CNTN6: variants seen among roughly 807,000 people sequenced by gnomAD.
CNTN6 encodes the protein contactin-6.
A neutral mutation model predicts 122.8 loss-of-function variants in CNTN6; 137 were observed. That is an observed-to-expected ratio of 1.12 (90% CI 0.97 to 1.29). The LOEUF (loss-of-function observed/expected upper bound fraction) is 1.29, where lower values mean the gene tolerates loss of function less well. Among genes scored for constraint, CNTN6 ranks in the 50% most tolerant of loss-of-function variants. The pLI, the probability that CNTN6 is intolerant of heterozygous loss-of-function variation, is 0.00. For missense variants in CNTN6, 1,634 were observed against 1,223.4 expected (o/e 1.34, Z -5.01); for synonymous variants, 570 against 426.0 (o/e 1.34, Z -4.16).
At chr3:1,280,459 A>ATTTTTTTTTTTTT (rs71619483) in intron 5 of CNTN6, among the ~76,000 whole-genome samples, 6,600 of 66,244 alleles carry the variant, frequency 0.1, 1,825 homozygotes, top group Non-Finnish European at 0.15. Context: ...TGTAATACCA[A>ATTTTTTTTTTTTT]TTTTTTTTTT....
At chr3:1,245,535 GA>G (rs561395531) in intron 4 of CNTN6, among the ~76,000 whole-genome samples, 7 of 149,514 alleles carry the variant, frequency 4.7e-5, no homozygotes, top group Non-Finnish European at 1.0e-4. Context: ...GGGATTGGGG[GA>G]AAGGGTGGGG....
intron 5 of CNTN6, among the ~76,000 whole-genome samples, chr3:1,283,633 C>CT (rs1271222214): frequency 3.3e-5 from 5 of 152,068 alleles, no homozygotes; most frequent in Non-Finnish European, 5.9e-5. Context: ...AATAATTAAA[C>CT]CCCCCCTTCA....
intron 2 of CNTN6, among the ~76,000 whole-genome samples, chr3:1,164,528 C>A (rs968140606): frequency 1.3e-5 from 2 of 152,188 alleles, no homozygotes; most frequent in Admixed American, 6.5e-5. Flanking sequence ...TCATACATGA[C>A]AGGGGAATGA....
chr3:1,384,066 A>AAATT (rs1308100204), intron 19 of CNTN6, among the ~76,000 whole-genome samples: 3 of 152,128 alleles, frequency 2.0e-5, no homozygotes, highest in African/African-American at 7.2e-5. Context: ...CAAAGCAAAC[A>AAATT]AATTAACACA....
chr3:1,133,127 A>G (rs953302466), intron 1 of CNTN6, among the ~76,000 whole-genome samples: 1 of 152,172 alleles, frequency 6.6e-6, no homozygotes, highest in East Asian at 1.9e-4. Context: ...TATTTTGTTT[A>G]TTCATTAAAG....
chr3:1,118,278 A>G (rs777733921), intron 1 of CNTN6, among the ~76,000 whole-genome samples: 7 of 152,198 alleles, frequency 4.6e-5, no homozygotes, highest in Non-Finnish European at 1.0e-4. Flanking sequence ...ACGTGTGGTG[A>G]GGAGCGGGGC....
chr3:1,382,644 A>C (rs893505831), intron 17 of CNTN6, among the ~76,000 whole-genome samples: 1 of 152,206 alleles, frequency 6.6e-6, no homozygotes, highest in Non-Finnish European at 1.5e-5. Flanking sequence ...TGTGTATCAT[A>C]AAATCTTTTA....
chr3:1,315,575 C>G (rs1197188175), intron 7 of CNTN6, among the ~76,000 whole-genome samples: 1 of 151,938 alleles, frequency 6.6e-6, no homozygotes, highest in Non-Finnish European at 1.5e-5. Context: ...GTCACAATGC[C>G]TGGTACATAG....
intron 2 of CNTN6, among the ~76,000 whole-genome samples, chr3:1,173,941 C>G (rs1304492553): frequency 2.0e-5 from 3 of 152,032 alleles, no homozygotes; most frequent in Non-Finnish European, 4.4e-5. Flanking sequence ...TCCTTTCTAT[C>G]TCCAATACAC....
At chr3:1,325,739 A>C in intron 8 of CNTN6, 76 bp from the exon 9 acceptor site, 1 of 1,517,616 alleles carries the variant, frequency 6.6e-7, no homozygotes, top group East Asian at 2.3e-5. Context: ...TCTGATCTCT[A>C]CAGCCCTTGT....
At chr3:1,173,672 C>A (rs542798694) in intron 2 of CNTN6, among the ~76,000 whole-genome samples, 1 of 151,458 alleles carries the variant, frequency 6.6e-6, no homozygotes, top group Non-Finnish European at 1.5e-5. Flanking sequence ...TTTGGCTTGG[C>A]GGTTGACAAA....
In CNTN6 at chr3:1,275,741, A is replaced by G. The variant is rs146112298; in HGVS notation, c.359-2672A>G. Among the ~76,000 whole-genome samples the G allele has an allele frequency of 7.9e-5, 12 of 152,278 alleles. No individual in the cohort carries two copies. In the East Asian group the frequency reaches 2.3e-3, roughly 29 times the overall value. ...AAGGAGTGTGCAACTTGGATCCCTC[A>G]CATGCGCGGTTCACAATAGGGTTTG... On this transcript the variant is annotated intron_variant, in intron 4 of 22. Coordinates refer to ENST00000446702, the MANE Select transcript of CNTN6 (RefSeq NM_001289080.2).
At chr3:1,311,364 T>C (rs265812) in intron 7 of CNTN6, among the ~76,000 whole-genome samples, 1 of 123,776 alleles carries the variant, frequency 8.1e-6, no homozygotes, top group African/African-American at 3.1e-5. Context: ...TATGTACATA[T>C]ATGTACATAT....
intron 1 of CNTN6, among the ~76,000 whole-genome samples, chr3:1,102,643 G>A (rs1156429689): frequency 8.0e-5 from 12 of 149,366 alleles, no homozygotes; most frequent in South Asian, 2.1e-4. Context: ...CAGGAGAATG[G>A]CGGGAACCCG....
chr3:1,369,255 T>C (rs1459460856), intron 12 of CNTN6, among the ~76,000 whole-genome samples: 1 of 152,202 alleles, frequency 6.6e-6, no homozygotes, highest in Non-Finnish European at 1.5e-5. Context: ...AACAAGTCAC[T>C]TCTAGTATAT....
chr3:1,272,656 T>C (rs1394298652), intron 4 of CNTN6, among the ~76,000 whole-genome samples: 5 of 152,160 alleles, frequency 3.3e-5, no homozygotes, highest in Non-Finnish European at 7.3e-5. Flanking sequence ...GCTGTCTTCT[T>C]GGTCCTGATC....
chr3:1,241,437 G>T (rs1238526312), intron 4 of CNTN6, among the ~76,000 whole-genome samples: 1 of 151,954 alleles, frequency 6.6e-6, no homozygotes, highest in Non-Finnish European at 1.5e-5. Flanking sequence ...GGGTGATATT[G>T]TGCGGATGTT....
rs766337308 is a variant in CNTN6, at chr3:1,383,306, C to A, written c.2415C>A (p.Ala805=). 5.0e-6 allele frequency: 8 copies of A among 1,613,802 alleles called. No individual in the cohort carries two copies. The highest frequency in any genetic ancestry group is 1.7e-5 in the Admixed American group (1 of 60,020). ...TCTGGATGGTAGAACCTCAACTGGC[C>A]CCAAGGGGAACTTCTCTCCAGAGTT... ...VYSGEDEPQL[A]PRGTSLQSFS... is the part of the protein sequence containing the mutation. Residue 805 remains alanine, a synonymous_variant, in exon 19 of 23, where the codon GCC becomes GCA. Transcript: ENST00000446702.
intron 1 of CNTN6, among the ~76,000 whole-genome samples, chr3:1,125,882 T>C (rs1339178258): frequency 6.6e-6 from 1 of 151,932 alleles, no homozygotes; most frequent in Non-Finnish European, 1.5e-5. Flanking sequence ...CATGTTATGA[T>C]GGTGAACTAG....
Sources: allele counts gnomAD v4.1 joint callset (sites outside exome capture counted in the v4.1 genomes callset), GRCh38; gene constraint gnomAD v4.1.1; transcripts MANE v1.5; gene names NCBI Gene and HGNC (gene_info 2026-07-23, HGNC 2026-07-21).